The following IGF1R variants were observed in gnomAD, a reference collection of about 807,000 sequenced individuals.
The protein encoded by IGF1R is insulin-like growth factor 1 receptor.
IGF1R carries 44 observed loss-of-function variants against 144.6 expected under a neutral mutation model. The observed-to-expected ratio is 0.30, with a 90% CI of 0.24 to 0.39. IGF1R has a LOEUF of 0.39. Among genes scored for constraint, IGF1R ranks in the 10% least tolerant of loss-of-function variants. The probability of loss-of-function intolerance (pLI) is 1.00; values close to 1 mark genes in which losing one functional copy is unlikely to be tolerated. For missense variants in IGF1R, 1,355 were observed against 1,833.7 expected, an observed-to-expected ratio of 0.74 and a Z score of 4.77; for synonymous variants, 795 against 722.8, an observed-to-expected ratio of 1.10 and a Z score of -1.60.
rs769033457 is a variant in IGF1R, at chr15:98,911,450, C to T, written c.1589+9C>T. ...GTTTACTACAAGGAAGCGTGAGTTT[C>T]TGCTTTGGGTGATGCCATTCTGTTG... On this transcript the variant is annotated intron_variant, in intron 7 of 20. Coordinates refer to ENST00000650285, the MANE Select transcript of IGF1R (RefSeq NM_000875.5). 1 of 1,614,162 alleles carries T rather than the reference C, an allele frequency of 6.2e-7. No individual in the cohort carries two copies. Among genetic ancestry groups the T allele is most frequent in the Admixed American group, 1.7e-5 (1 of 60,018 alleles).
Position 98,929,648 on chromosome 15 carries a change from TC to T in IGF1R, c.2875del (p.His959IlefsTer18). The part of the protein sequence containing the change: ...VGGLVIMLYV[F>X]HRKRNNSRLG... ...GGGTTGGTGATTATGCTGTACGTCT[TC>T]CATAGAAAGAGGTCAGTGATGTGCA... On this transcript the variant is annotated frameshift_variant, in exon 14 of 21. Transcript: ENST00000650285. LOFTEE classifies it high-confidence loss of function. 1 of 1,612,908 alleles carries T rather than the reference TC, an allele frequency of 6.2e-7. No individual in the cohort carries two copies. The highest frequency in any genetic ancestry group is 8.5e-7 in the Non-Finnish European group (1 of 1,178,850).
At chr15:98,904,049 A>AT (rs35759630) in intron 5 of IGF1R, among the ~76,000 whole-genome samples, 11,457 of 103,784 alleles carry the variant, frequency 0.11, 697 homozygotes, top group Non-Finnish European at 0.14. Flanking sequence ...TGATGGGTGA[A>AT]TTTTTTTTTT....
chr15:98,958,455 G>C lies in IGF1R; in HGVS notation c.*1013G>C, dbSNP rs1470778383. ...ACACAGATGGGAAGGGGTTTCCAGGGACTCAGCCCCACTGTTGATGCAGGT... is the reference window on the plus strand; with the variant it reads ...ACACAGATGGGAAGGGGTTTCCAGGCACTCAGCCCCACTGTTGATGCAGGT... On this transcript the variant is annotated 3_prime_UTR_variant, in exon 21 of 21. Transcript: ENST00000650285. 3 of 231,264 alleles carry C rather than the reference G, an allele frequency of 1.3e-5. No homozygotes were observed. The highest frequency in any genetic ancestry group is 2.2e-5 in the African/African-American group (1 of 45,152). 14.3% of individuals were successfully genotyped at this position (231,264 alleles called of 1,614,324 possible).
Position 98,961,753 on chromosome 15 carries a change from C to G in IGF1R, c.*4311C>G, listed in dbSNP as rs1030604489. ...CTGTTGAACTTGATCAAGACCCAGA[C>G]CACCCCAGGTCTCCTTCGTGGGATG... On this transcript the variant is annotated 3_prime_UTR_variant, in exon 21 of 21. Transcript: ENST00000650285. 1.3e-4 allele frequency: 31 copies of G among 233,464 alleles called. No individual in the cohort carries two copies. The Admixed American group carries it at 1.3e-3, about 10-fold the overall frequency. The allele number at this position is 233,464 out of a possible 1,614,324, so 14.5% of individuals were successfully genotyped here.
At chr15:98,939,094 C>A in intron 17 of IGF1R, 107 bp from the exon 18 acceptor site, 1 of 894,878 alleles carries the variant, frequency 1.1e-6, no homozygotes, top group Non-Finnish European at 1.8e-6. Flanking sequence ...GCATAAACAA[C>A]CCACGGTGCC....
At chr15:98,697,861 C>G (rs1300404786) in intron 1 of IGF1R, among the ~76,000 whole-genome samples, 2 of 97,938 alleles carry the variant, frequency 2.0e-5, no homozygotes, top group Non-Finnish European at 4.0e-5. Context: ...CCTCAGCCAC[C>G]CGAGTAGCTG....
chr15:98,775,958 A>G (rs1468629171), intron 2 of IGF1R, among the ~76,000 whole-genome samples: 3 of 152,168 alleles, frequency 2.0e-5, no homozygotes, highest in African/African-American at 4.8e-5. Flanking sequence ...TTGAAAGAAT[A>G]TTTGCCTAAA....
chr15:98,745,226 A>G (rs531498705), intron 2 of IGF1R, among the ~76,000 whole-genome samples: 1 of 152,348 alleles, frequency 6.6e-6, no homozygotes, highest in African/African-American at 2.4e-5. Context: ...CAGGAGTTAA[A>G]TTATACTTTG....
intron 20 of IGF1R, among the ~76,000 whole-genome samples, chr15:98,956,163 G>T (rs1458727487): frequency 6.6e-6 from 1 of 152,248 alleles, no homozygotes. Context: ...TGTTTTCTTG[G>T]GGAGCCCCGG....
rs368393677 is a variant in IGF1R, at chr15:98,895,020, C to CAAAAAAAAAAAAAA, written c.954-1735_954-1722dup. 7.1e-5 allele frequency among the ~76,000 whole-genome samples: 8 copies of CAAAAAAAAAAAAAA among 112,512 alleles called. No individual in the cohort carries two copies. The South Asian group carries it at 1.1e-3, about 16-fold the overall frequency. The allele number at this position is 112,512 out of a possible 152,430, so 73.8% of individuals were successfully genotyped here. On this transcript the variant is annotated intron_variant, in intron 3 of 20. Transcript: ENST00000650285. ...TGGGCGACAGAGTGAGACCCTGTCT[C>CAAAAAAAAAAAAAA]AAAAAAAAAAAAAAAGACAGATTGT...
intron 2 of IGF1R, among the ~76,000 whole-genome samples, chr15:98,740,927 A>G (rs1299403859): frequency 6.6e-6 from 1 of 152,226 alleles, no homozygotes; most frequent in African/African-American, 2.4e-5. Flanking sequence ...CCACTTTGTC[A>G]AAAGTGTAGT....
chr15:98,936,877 CTG>C (rs2016172864), intron 17 of IGF1R, among the ~76,000 whole-genome samples: 1 of 152,070 alleles, frequency 6.6e-6, no homozygotes. Flanking sequence ...CTGGCCCTCT[CTG>C]TGTCTCTGTC....
chr15:98,673,955 C>T (rs2052965532), intron 1 of IGF1R, among the ~76,000 whole-genome samples: 1 of 152,132 alleles, frequency 6.6e-6, no homozygotes. Context: ...AATGTACAGC[C>T]ATGTTTCTCT....
At chr15:98,771,657 T>C (rs1237254763) in intron 2 of IGF1R, among the ~76,000 whole-genome samples, 1 of 152,142 alleles carries the variant, frequency 6.6e-6, no homozygotes, top group Admixed American at 6.5e-5. Context: ...CATCTAGGCT[T>C]GGGTTTCCCC....
At position 98,648,622 on chromosome 15, in the gene IGF1R, G is replaced by A. The variant is rs1011861774; in HGVS notation, c.-960G>A. On this transcript the variant is annotated 5_prime_UTR_variant, in exon 1 of 21. Transcript: ENST00000650285. ...AACTCCGCTGAGCGGAAAAAAAAAG[G>A]GAAAAAACCCGAGGAGGAGCGAGCG... 5.5e-5 allele frequency among the ~76,000 whole-genome samples: 8 copies of A among 146,612 alleles called. No individual in the cohort carries two copies. The South Asian group carries it at 1.7e-3, about 31-fold the overall frequency.
rs70958401 is a variant in IGF1R at position 98,891,348 on chromosome 15, C to T, written c.664C>T (p.Arg222Trp). ...AGTGTGCCCAAGCACGTGTGGGAAGCGGGCGTGCACCGAGAACAATGAGTG... is the reference window on the plus strand; with the variant it reads ...AGTGTGCCCAAGCACGTGTGGGAAGTGGGCGTGCACCGAGAACAATGAGTG... ...QKMCPSTCGKRACTENNECCH... is the reference protein window; with the variant it reads ...QKMCPSTCGKWACTENNECCH... Residue 222 changes from arginine to tryptophan, a missense_variant, in exon 3 of 21, where the codon CGG becomes TGG. Around this residue, in one of 7 missense-constraint regions of IGF1R, gnomAD observed 880 missense variants for 1,202.7 expected, o/e 0.73. Coordinates refer to ENST00000650285, the MANE Select transcript of IGF1R (RefSeq NM_000875.5). This position sits in a 1 kb window ranked among gnomAD's most constrained non-coding sequence, Gnocchi z 4.7. 2.3e-5 allele frequency: 37 copies of T among 1,606,924 alleles called. No individual in the cohort carries two copies. In the East Asian group the frequency reaches 5.4e-4, roughly 23 times the overall value.
intron 2 of IGF1R, among the ~76,000 whole-genome samples, chr15:98,846,047 G>C (rs1326453015): frequency 1.3e-5 from 2 of 152,140 alleles, no homozygotes; most frequent in Admixed American, 6.5e-5. Context: ...TTTTCTAAAA[G>C]ACAGTAATAA....
intron 1 of IGF1R, among the ~76,000 whole-genome samples, chr15:98,686,885 G>T (rs1374964685): frequency 6.6e-6 from 1 of 152,242 alleles, no homozygotes; most frequent in Non-Finnish European, 1.5e-5. Flanking sequence ...TTCTAGGCTG[G>T]TCTGGAAGTC....
chr15:98,899,726 A>G, intron 5 of IGF1R, 105 bp downstream of exon 5: 1 of 1,183,612 alleles, frequency 8.4e-7, no homozygotes, highest in Non-Finnish European at 1.2e-6. Flanking sequence ...TGTTAAAGAG[A>G]AGAAAGGAGG....
Sources: gnomAD v4.1 joint callset for allele counts (sites outside exome capture counted in the v4.1 genomes callset) on GRCh38, gnomAD v4.1.1 for gene constraint, gnomAD v4.1.1 regional missense constraint, Gnocchi (gnomAD v3.1) non-coding constraint, MANE v1.5 for transcripts, NCBI Gene and HGNC (gene_info 2026-07-23, HGNC 2026-07-21) for gene names.